The following ADAM32 variants were observed in gnomAD, a reference collection of about 807,000 sequenced individuals.
The protein encoded by ADAM32 is disintegrin and metalloproteinase domain-containing protein 32.
A neutral mutation model predicts 114.9 loss-of-function variants in ADAM32; 89 were observed. The ratio of observed to expected loss-of-function variants is 0.77; its 90% CI spans 0.65 to 0.92. The LOEUF (loss-of-function observed/expected upper bound fraction) is 0.92. Among genes scored for constraint, ADAM32 ranks in the 40% least tolerant of loss-of-function variants. ADAM32 has a pLI of 0.00. For synonymous variants in ADAM32, 285 were observed against 307.5 expected, an observed-to-expected ratio of 0.93 and a Z score of 0.77; for missense variants, 870 against 932.8, an observed-to-expected ratio of 0.93 and a Z score of 0.88.
At chr8:39,192,299 G>A (rs898631443) in intron 11 of ADAM32, among the ~76,000 whole-genome samples, 1 of 151,880 alleles carries the variant, frequency 6.6e-6, no homozygotes, top group Non-Finnish European at 1.5e-5. Flanking sequence ...TATCTTTGTC[G>A]GTTTAAAGTC....
intron 14 of ADAM32, among the ~76,000 whole-genome samples, chr8:39,230,953 G>C (rs1490725570): frequency 3.9e-5 from 6 of 152,128 alleles, no homozygotes; most frequent in Non-Finnish European, 1.5e-5. Flanking sequence ...GGTAACTGTG[G>C]TAGGTAGAAT....
At chr8:39,194,657 G>C (rs1806838749) in intron 11 of ADAM32, among the ~76,000 whole-genome samples, 1 of 152,130 alleles carries the variant, frequency 6.6e-6, no homozygotes, top group Admixed American at 6.5e-5. Context: ...CTGGGCAACT[G>C]AGGCTGTGCT....
intron 17 of ADAM32, among the ~76,000 whole-genome samples, chr8:39,247,990 A>G (rs1252604969): frequency 6.6e-6 from 1 of 152,044 alleles, no homozygotes; most frequent in Non-Finnish European, 1.5e-5. Flanking sequence ...GTCAGAGATC[A>G]GTTGACTAGA....
intron 11 of ADAM32, among the ~76,000 whole-genome samples, chr8:39,199,995 C>G (rs1046695303): frequency 7.9e-5 from 12 of 152,138 alleles, no homozygotes; most frequent in African/African-American, 2.9e-4. Flanking sequence ...TGTATATGTG[C>G]CACATTTTCT....
intron 3 of ADAM32, among the ~76,000 whole-genome samples, chr8:39,138,633 T>C (rs1802952407): frequency 6.6e-6 from 1 of 152,230 alleles, no homozygotes; most frequent in African/African-American, 2.4e-5. Flanking sequence ...ACAATAAACA[T>C]ATGTGTGCAT....
intron 11 of ADAM32, among the ~76,000 whole-genome samples, chr8:39,201,265 GTT>G (rs1807382883): frequency 6.6e-6 from 1 of 152,150 alleles, no homozygotes; most frequent in African/African-American, 2.4e-5. Flanking sequence ...AGCATGGAAT[GTT>G]CTTCCATTTG....
intron 16 of ADAM32, among the ~76,000 whole-genome samples, chr8:39,238,462 A>T (rs979051860): frequency 6.6e-6 from 1 of 152,208 alleles, no homozygotes. Context: ...CCTCTAACAT[A>T]GTCTACCCAA....
At chr8:39,135,717 A>G (rs1177222479) in intron 2 of ADAM32, among the ~76,000 whole-genome samples, 1 of 152,082 alleles carries the variant, frequency 6.6e-6, no homozygotes, top group African/African-American at 2.4e-5. Flanking sequence ...TGACCTTGAC[A>G]GTTCTGAGGA....
chr8:39,132,265 C>T (rs561647196), intron 2 of ADAM32, among the ~76,000 whole-genome samples: 1 of 152,304 alleles, frequency 6.6e-6, no homozygotes, highest in African/African-American at 2.4e-5. Flanking sequence ...ATTTCTAGAT[C>T]ATTTGCATCA....
rs1802833444 is a variant in ADAM32 at position 39,136,794 on chromosome 8, T to C, written c.200+76T>C. 1.7e-5 allele frequency: 16 copies of C among 961,914 alleles called. No homozygotes were observed. In the East Asian group the frequency reaches 4.8e-4, roughly 29 times the overall value. The allele number at this position is 961,914 out of a possible 1,614,324, so 59.6% of individuals were successfully genotyped here. On this transcript the variant is annotated intron_variant, in intron 3 of 24. Transcript: ENST00000379907. Reference sequence around the variant, plus strand: ...TTTACTTGCAATAGAAAATGGAGTATGAGAAAAATACATGGAATTATTAAC... The same window carrying C: ...TTTACTTGCAATAGAAAATGGAGTACGAGAAAAATACATGGAATTATTAAC...
intron 14 of ADAM32, among the ~76,000 whole-genome samples, chr8:39,226,376 C>T (rs1369563172): frequency 6.6e-6 from 1 of 151,648 alleles, no homozygotes; most frequent in Non-Finnish European, 1.5e-5. Flanking sequence ...TATAAGTGTG[C>T]AGGTACAGGA....
intron 10 of ADAM32, among the ~76,000 whole-genome samples, chr8:39,184,602 T>G (rs546521034): frequency 6.6e-6 from 1 of 152,314 alleles, no homozygotes; most frequent in East Asian, 1.9e-4. Flanking sequence ...TCTTTTCCTG[T>G]GTGCACAGTT....
At chr8:39,195,520 G>A (rs891664858) in intron 11 of ADAM32, among the ~76,000 whole-genome samples, 20 of 152,084 alleles carry the variant, frequency 1.3e-4, no homozygotes, top group African/African-American at 4.6e-4. Context: ...ACAATGTCCT[G>A]AAATATTTCT....
chr8:39,215,275 C>T (rs1310582014), intron 12 of ADAM32, among the ~76,000 whole-genome samples: 1 of 151,726 alleles, frequency 6.6e-6, no homozygotes, highest in African/African-American at 2.4e-5. Context: ...GGTAGTGTGG[C>T]TATTTCAACA....
intron 23 of ADAM32, among the ~76,000 whole-genome samples, chr8:39,282,264 A>G (rs1337544559): frequency 6.6e-6 from 1 of 152,176 alleles, no homozygotes; most frequent in East Asian, 1.9e-4. Context: ...ATTTATAGGT[A>G]GCATCTTGCA....
intron 19 of ADAM32, among the ~76,000 whole-genome samples, chr8:39,260,700 G>A (rs914750523): frequency 6.6e-6 from 1 of 151,910 alleles, no homozygotes; most frequent in Admixed American, 6.6e-5. Flanking sequence ...AAGGATATTG[G>A]CCTATTATTT....
At chr8:39,117,913 C>T (rs1396343333) in intron 1 of ADAM32, among the ~76,000 whole-genome samples, 173 bp from the exon 2 acceptor site, 3 of 151,940 alleles carry the variant, frequency 2.0e-5, no homozygotes, top group African/African-American at 7.2e-5. Flanking sequence ...CTTTTTTGTT[C>T]TTTCATAAGT....
At chr8:39,107,588 T>A (rs1839975662), upstream of ADAM32, 18 of 1,410,914 alleles carry the variant, frequency 1.3e-5, no homozygotes, top group Admixed American at 9.1e-5. Flanking sequence ...TGTTTTAGCC[T>A]CGGGGCGCAC....
At chr8:39,143,175 T>G (rs762079473) in intron 3 of ADAM32, among the ~76,000 whole-genome samples, 1 of 152,194 alleles carries the variant, frequency 6.6e-6, no homozygotes, top group Non-Finnish European at 1.5e-5. Context: ...TTGGAGAAAT[T>G]TGTTATTACC....
Sources: gnomAD v4.1 joint callset for allele counts (sites outside exome capture counted in the v4.1 genomes callset) on GRCh38, gnomAD v4.1.1 for gene constraint, MANE v1.5 for transcripts, NCBI Gene and HGNC (gene_info 2026-07-23, HGNC 2026-07-21) for gene names.